The following PGLYRP2 variants were observed in gnomAD, a reference collection of about 807,000 sequenced individuals.
The protein encoded by PGLYRP2 is N-acetylmuramoyl-L-alanine amidase.
Under a neutral mutation model 46.2 loss-of-function variants are expected in PGLYRP2, and 38 were observed. That is an observed-to-expected ratio of 0.82 (90% CI 0.64 to 1.08). The LOEUF (loss-of-function observed/expected upper bound fraction) is 1.08. PGLYRP2 is among the 50% of genes least tolerant of loss of function. The pLI is 0.00. For synonymous variants in PGLYRP2, 289 were observed against 329.4 expected (o/e 0.88, Z 1.33); for missense variants, 713 against 755.9 (o/e 0.94, Z 0.67).
chr19:15,475,784 G>A lies in PGLYRP2; in HGVS notation c.886C>T (p.Leu296Phe). ...LSRTPEPRPS[L>F]SHLLSQYYGA... ...TAGTACTGGCTCAGCAAGTGGCTGA[G>A]GGATGGCCGGGGCTCAGGAGTCCGG... Residue 296 changes from leucine to phenylalanine, a missense_variant, in exon 2 of 5, where the codon CTC (leucine) becomes TTC (phenylalanine). By Grantham distance (22) the Leu-to-Phe change is conservative. Coordinates refer to ENST00000340880, the MANE Select transcript of PGLYRP2 (RefSeq NM_052890.4). The A allele has an allele frequency of 6.2e-7, 1 of 1,614,086 alleles. No homozygotes were observed. Among genetic ancestry groups the A allele is most frequent in the Non-Finnish European group, 8.5e-7 (1 of 1,179,992 alleles).
chr19:15,479,312 TG>T lies in PGLYRP2; in HGVS notation c.59del (p.Thr20LysfsTer35). 6.2e-7 allele frequency: 1 copy of T among 1,614,052 alleles called. No homozygotes were observed. Among genetic ancestry groups the T allele is most frequent in the Non-Finnish European group, 8.5e-7 (1 of 1,179,954 alleles). ...CCAGGACTCTGCCCCCTGACTCACC[TG>T]TCCCTGGGTCTGACCACAGTAGCAA... ...LGLLLWSDPG[T>X]ASLPLLMDSV... On this transcript the variant is annotated frameshift_variant and splice_region_variant, in exon 1 of 5. Coordinates refer to ENST00000340880, the MANE Select transcript of PGLYRP2 (RefSeq NM_052890.4). LOFTEE classifies it high-confidence loss of function.
At chr19:15,476,730 C>T in intron 1 of PGLYRP2, 122 bp from the exon 2 acceptor site, 1 of 811,204 alleles carries the variant, frequency 1.2e-6, no homozygotes, top group Non-Finnish European at 1.9e-6. Flanking sequence ...CCAACACTAT[C>T]CTTGTGTAGA....
chr19:15,477,601 G>A (rs1295298711), intron 1 of PGLYRP2, among the ~76,000 whole-genome samples: 1 of 151,380 alleles, frequency 6.6e-6, no homozygotes. Flanking sequence ...AGGAGGCTGA[G>A]GCAGGAGAAC....
In PGLYRP2 at chr19:15,475,958, G is replaced by A; in HGVS notation, c.712C>T (p.Gln238Ter). Residue 238 changes from glutamine (Q) to a stop codon, truncating the protein, a stop_gained, in exon 2 of 5, where the codon CAG (glutamine) becomes TAG (stop). Coordinates refer to ENST00000340880, the MANE Select transcript of PGLYRP2 (RefSeq NM_052890.4). LOFTEE classifies it high-confidence loss of function. ...TCAGTTCCCAGGTCTGGATGGCTCT[G>A]GGTCTGGGAACCTCGGAGGAAGGTC... ...GLTFLRGSQTQSHPDLGTEGC... is the reference protein window; with the variant it reads ...GLTFLRGSQT The A allele has an allele frequency of 2.5e-6, 4 of 1,614,176 alleles. No homozygotes were observed. The highest frequency in any genetic ancestry group is 3.4e-6 in the Non-Finnish European group (4 of 1,180,040).
chr19:15,476,606 A>C lies in PGLYRP2; in HGVS notation c.64T>G (p.Ser22Ala), dbSNP rs746847456. 6.3e-7 allele frequency: 1 copy of C among 1,584,370 alleles called. No individual in the cohort carries two copies. Among genetic ancestry groups the C allele is most frequent in the Admixed American group, 1.7e-5 (1 of 57,586 alleles). ...LLLWSDPGTASLPLLMDSVIQ... is the reference protein window; with the variant it reads ...LLLWSDPGTAALPLLMDSVIQ... ...ACAGAGTCCATGAGCAGGGGCAGGG[A>C]GGCTGCAGGAGGAAAGAATGTGTTA... Residue 22 changes from serine (S) to alanine (A), a missense_variant and splice_region_variant, in exon 2 of 5, where the codon TCC becomes GCC. By Grantham distance (99) the Ser-to-Ala change is moderately conservative. Transcript: ENST00000340880.
Position 15,476,363 on chromosome 19 carries a change from G to A in PGLYRP2, c.307C>T (p.Arg103Ter), listed in dbSNP as rs372909125. 1.6e-5 allele frequency: 26 copies of A among 1,613,940 alleles called. No homozygotes were observed. Among genetic ancestry groups the A allele is most frequent in the African/African-American group, 2.7e-5 (2 of 74,892 alleles). ...LTKEVARHDV[R>*]EGKEYGVVLA... ...ACCACCCCATATTCCTTCCCTTCTC[G>A]TACGTCATGTCGGGCCACCTCCTTG... is the stretch of plus-strand genomic sequence containing the variant. Residue 103 changes from arginine to a stop codon, truncating the protein, a stop_gained, in exon 2 of 5, where the codon CGA becomes TGA. Transcript: ENST00000340880. LOFTEE classifies it high-confidence loss of function.
rs557670900 is a variant in PGLYRP2 at position 15,479,416 on chromosome 19, G to A, written c.-45C>T. On this transcript the variant is annotated 5_prime_UTR_variant, in exon 1 of 5. Transcript: ENST00000340880. ...CCAAGGGGTATTTCTGGTTGGCCTCGGCAGAGAACCTCGGCAGTGCTGGAG... is the reference window on the plus strand; with the variant it reads ...CCAAGGGGTATTTCTGGTTGGCCTCAGCAGAGAACCTCGGCAGTGCTGGAG... The A allele has an allele frequency of 1.9e-6, 3 of 1,593,186 alleles. No homozygotes were observed. The highest frequency in any genetic ancestry group is 1.3e-5 in the African/African-American group (1 of 74,428).
At position 15,469,625 on chromosome 19, in the gene PGLYRP2, G is replaced by T; in HGVS notation, c.1641+7C>A. ...CGGGCCGTGTAGTGCAGGCTGCGAA[G>T]ACTCACCGCGGTGAAGTGCGGCCAG... On this transcript the variant is annotated splice_region_variant and intron_variant, in intron 4 of 4. Coordinates refer to ENST00000340880, the MANE Select transcript of PGLYRP2 (RefSeq NM_052890.4). This position sits in a 1 kb window ranked among gnomAD's most constrained non-coding sequence, Gnocchi z 4.9. 1 of 1,576,554 alleles carries T rather than the reference G, an allele frequency of 6.3e-7. No individual in the cohort carries two copies. The highest frequency in any genetic ancestry group is 1.8e-5 in the Admixed American group (1 of 57,114).
At chr19:15,471,103 C>CA (rs1970744368) in intron 3 of PGLYRP2, among the ~76,000 whole-genome samples, 1 of 79,426 alleles carries the variant, frequency 1.3e-5, no homozygotes, top group Non-Finnish European at 2.3e-5. Context: ...CCATGCCCAG[C>CA]TTTTTTTTTT....
chr19:15,472,381 G>A (rs1970758713), intron 2 of PGLYRP2, among the ~76,000 whole-genome samples: 2 of 152,246 alleles, frequency 1.3e-5, no homozygotes, highest in Admixed American at 6.5e-5. Context: ...CTTGAGGTCA[G>A]GAGTTTGAGA....
chr19:15,475,792 C>G lies in PGLYRP2; in HGVS notation c.878G>C (p.Arg293Pro). 1.2e-6 allele frequency: 2 copies of G among 1,614,066 alleles called. No homozygotes were observed. Among genetic ancestry groups the G allele is most frequent in the Non-Finnish European group, 8.5e-7 (1 of 1,180,006 alleles). The change falls in exon 2 of 5, where the codon CGG (arginine) becomes CCG (proline). Residue 293 changes from arginine to proline, a missense_variant. Coordinates refer to ENST00000340880, the MANE Select transcript of PGLYRP2 (RefSeq NM_052890.4). ...GDYLSRTPEPRPSLSHLLSQY... is the reference protein window; with the variant it reads ...GDYLSRTPEPPPSLSHLLSQY... ...GCTCAGCAAGTGGCTGAGGGATGGCCGGGGCTCAGGAGTCCGGCTCAGGTA... is the reference window on the plus strand; with the variant it reads ...GCTCAGCAAGTGGCTGAGGGATGGCGGGGGCTCAGGAGTCCGGCTCAGGTA...
chr19:15,471,347 C>A (rs982627890), intron 3 of PGLYRP2, among the ~76,000 whole-genome samples: 7 of 152,024 alleles, frequency 4.6e-5, no homozygotes, highest in Non-Finnish European at 7.4e-5. Context: ...ATCTTCTGAC[C>A]TCGTGATCCT....
chr19:15,474,784 C>T (rs977366858), intron 2 of PGLYRP2, among the ~76,000 whole-genome samples: 1 of 151,938 alleles, frequency 6.6e-6, no homozygotes, highest in African/African-American at 2.4e-5. Context: ...GTCAGGAGAT[C>T]GAGACCACCC....
chr19:15,473,116 A>T (rs1304535989), intron 2 of PGLYRP2, among the ~76,000 whole-genome samples: 4 of 152,154 alleles, frequency 2.6e-5, no homozygotes, highest in African/African-American at 9.7e-5. Flanking sequence ...TGGTGCTGGG[A>T]CAACTGGCCA....
In PGLYRP2 at chr19:15,468,726, A is replaced by G. The variant is rs775595527; in HGVS notation, c.1668T>C (p.Ser556=). 11 of 1,611,918 alleles carry G rather than the reference A, an allele frequency of 6.8e-6. No individual in the cohort carries two copies. Among genetic ancestry groups the G allele is most frequent in the Non-Finnish European group, 8.5e-6 (10 of 1,179,106 alleles). ...GCTCCCTCCTGGATCTCTTAGAGAC[A>G]CTCCTGGCAGGTCTTGGCTTAACAG... ...TATVKPRPAR[S]VSKRSRREPP... is the part of the protein sequence containing the mutation. Residue 556 remains serine, a synonymous_variant, in exon 5 of 5, where the codon AGT becomes AGC. Transcript: ENST00000340880.
intron 3 of PGLYRP2, among the ~76,000 whole-genome samples, chr19:15,471,098 C>G (rs1220482741): frequency 6.8e-6 from 1 of 146,884 alleles, no homozygotes; most frequent in Non-Finnish European, 1.5e-5. Flanking sequence ...CAACACCATG[C>G]CCAGCTTTTT....
rs766076677 is a variant in PGLYRP2 at position 15,476,568 on chromosome 19, C to T, written c.102G>A (p.Leu34=). The change falls in exon 2 of 5, where the codon CTG becomes CTA. Residue 34 remains leucine (L), a synonymous_variant. Coordinates refer to ENST00000340880, the MANE Select transcript of PGLYRP2 (RefSeq NM_052890.4). ...PLLMDSVIQA[L]AELEQKVPAA... ...CTGGCACTTTCTGCTCCAGCTCAGC[C>T]AGGGCCTGGATGACAGAGTCCATGA... 3.1e-6 allele frequency: 5 copies of T among 1,611,652 alleles called. No homozygotes were observed. Among genetic ancestry groups the T allele is most frequent in the Admixed American group, 1.7e-5 (1 of 59,786 alleles).
intron 1 of PGLYRP2, among the ~76,000 whole-genome samples, chr19:15,477,268 C>T (rs533804499): frequency 1.7e-4 from 26 of 151,910 alleles, no homozygotes; most frequent in Admixed American, 1.4e-3. Context: ...TGGTGTGTGC[C>T]TGTAATCCCA....
At chr19:15,470,241 T>TTTCCTTTCTTCCTTCCTTCCTTCC (rs1357809571) in intron 3 of PGLYRP2, among the ~76,000 whole-genome samples, 1 of 100,002 alleles carries the variant, frequency 1.0e-5, no homozygotes. Context: ...GTTTTTTTTC[T>TTTCCTTTCTTCCTTCCTTCCTTCC]TTCCTTCCTT....
Sources: allele counts gnomAD v4.1 joint callset (sites outside exome capture counted in the v4.1 genomes callset), GRCh38; gene constraint gnomAD v4.1.1; non-coding constraint Gnocchi (gnomAD v3.1); transcripts MANE v1.5; gene names NCBI Gene and HGNC (gene_info 2026-07-23, HGNC 2026-07-21).